The following PDE8B variants were observed in gnomAD, a reference collection of about 807,000 sequenced individuals.
The protein encoded by PDE8B is high affinity cAMP-specific and IBMX-insensitive 3',5'-cyclic phosphodiesterase 8B.
A neutral mutation model predicts 101.3 loss-of-function variants in PDE8B; 26 were observed. That is an observed-to-expected ratio of 0.26 (90% CI 0.19 to 0.36). The LOEUF (loss-of-function observed/expected upper bound fraction) is 0.36. Among genes scored for constraint, PDE8B ranks in the 10% least tolerant of loss-of-function variants. PDE8B has a pLI of 1.00. For missense variants in PDE8B, 810 were observed against 1,163.1 expected, an observed-to-expected ratio of 0.70 and a Z score of 4.42; for synonymous variants, 424 against 429.3, an observed-to-expected ratio of 0.99 and a Z score of 0.15.
intron 10 of PDE8B, among the ~76,000 whole-genome samples, chr5:77,378,399 C>T (rs1208166056): frequency 7.7e-6 from 1 of 130,674 alleles, no homozygotes. Context: ...GCAGAGGTTG[C>T]AGTGAACTGA....
chr5:77,236,186 G>C (rs1754649653), intron 1 of PDE8B, among the ~76,000 whole-genome samples: 1 of 152,214 alleles, frequency 6.6e-6, no homozygotes, highest in African/African-American at 2.4e-5. Context: ...GAATATGCTT[G>C]GCATTTTGAG....
chr5:77,218,092 G>T (rs1580373756), intron 1 of PDE8B, among the ~76,000 whole-genome samples: 1 of 152,168 alleles, frequency 6.6e-6, no homozygotes, highest in Admixed American at 6.5e-5. Context: ...GCTTGTGATT[G>T]CTGTAATAAA....
chr5:77,410,948 T>C (rs959869166), intron 14 of PDE8B: 1 of 152,352 alleles, frequency 6.6e-6, no homozygotes, highest in African/African-American at 2.4e-5. Context: ...TAAATGACTT[T>C]TAAGCAAAGA....
At position 77,426,578 on chromosome 5, in the gene PDE8B, T is replaced by C. The variant is rs1328744251; in HGVS notation, c.*24T>C. The C allele has an allele frequency of 3.2e-6, 4 of 1,251,890 alleles. No homozygotes were observed. The highest frequency in any genetic ancestry group is 2.4e-6 in the Non-Finnish European group (2 of 850,490). The allele number at this position is 1,251,890 out of a possible 1,614,324, so 77.5% of individuals were successfully genotyped here. ...AAAGCCAAGCCACAGAGGGGGCCTCTTGACCGACAAAGGACACTGTGAATC... is the reference window on the plus strand; with the variant it reads ...AAAGCCAAGCCACAGAGGGGGCCTCCTGACCGACAAAGGACACTGTGAATC... On this transcript the variant is annotated 3_prime_UTR_variant, in exon 22 of 22. Coordinates refer to ENST00000264917, the MANE Select transcript of PDE8B (RefSeq NM_003719.5).
chr5:77,133,543 G>A, the PDE8B span, among the ~76,000 whole-genome samples: 750 of 152,252 alleles, frequency 4.9e-3, 8 homozygotes, highest in African/African-American at 0.017. Context: ...AAAATAAGTG[G>A]CATTGGTTTG....
intron 18 of PDE8B, among the ~76,000 whole-genome samples, 200 bp downstream of exon 18, chr5:77,418,646 T>C (rs1217529168): frequency 6.6e-6 from 1 of 152,348 alleles, no homozygotes; most frequent in South Asian, 2.1e-4. Flanking sequence ...AGTGAGTTCA[T>C]AAAAATGTTT....
rs766500440 is a variant in PDE8B, at chr5:77,211,268, A to G, written c.339+4A>G. On this transcript the variant is annotated splice_donor_region_variant and intron_variant, in intron 1 of 21. Transcript: ENST00000264917. The surrounding 1 kb of genome is among the most constrained non-coding windows in gnomAD (Gnocchi z 4.1). Reference sequence around the variant, plus strand: ...GACCTGCTACACCAGCGTGAAGGTAAATGCCCCGCGCTGGCACACGCCGTG... The same window carrying G: ...GACCTGCTACACCAGCGTGAAGGTAGATGCCCCGCGCTGGCACACGCCGTG... The G allele has an allele frequency of 6.4e-7, 1 of 1,558,670 alleles. No individual in the cohort carries two copies. Among genetic ancestry groups the G allele is most frequent in the African/African-American group, 1.4e-5 (1 of 73,338 alleles).
chr5:77,286,030 T>G (rs1406434084), intron 1 of PDE8B, among the ~76,000 whole-genome samples: 1 of 152,206 alleles, frequency 6.6e-6, no homozygotes, highest in African/African-American at 2.4e-5. Flanking sequence ...AATAGTGATA[T>G]TAAAGTCTTT....
intron 10 of PDE8B, among the ~76,000 whole-genome samples, chr5:77,387,288 T>C (rs1205071658): frequency 6.6e-6 from 1 of 152,212 alleles, no homozygotes; most frequent in Non-Finnish European, 1.5e-5. Context: ...GGTATTTGCT[T>C]GTCTGTAAAG....
intron 1 of PDE8B, among the ~76,000 whole-genome samples, chr5:77,234,733 G>T (rs188340682): frequency 6.6e-6 from 1 of 152,240 alleles, no homozygotes; most frequent in Admixed American, 6.5e-5. Flanking sequence ...TCCAGACCAG[G>T]TGATTCTAAA....
chr5:77,352,633 G>A (rs1405776519), intron 9 of PDE8B, among the ~76,000 whole-genome samples: 1 of 152,214 alleles, frequency 6.6e-6, no homozygotes, highest in Admixed American at 6.5e-5. Flanking sequence ...ACAGAGAAAA[G>A]TGAACCAGGT....
At chr5:77,237,075 TAGAC>T (rs1448547047) in intron 1 of PDE8B, among the ~76,000 whole-genome samples, 4 of 152,286 alleles carry the variant, frequency 2.6e-5, no homozygotes, top group African/African-American at 9.6e-5. Context: ...AAAGTTTACT[TAGAC>T]AGATATTCCC....
At chr5:77,341,743 C>G (rs1779239915) in intron 6 of PDE8B, among the ~76,000 whole-genome samples, 1 of 152,208 alleles carries the variant, frequency 6.6e-6, no homozygotes. Flanking sequence ...CTAGCTCTTG[C>G]TGTCTCTTAT....
the PDE8B span, among the ~76,000 whole-genome samples, chr5:77,188,330 C>T: frequency 6.6e-6 from 1 of 152,158 alleles, no homozygotes; most frequent in African/African-American, 2.4e-5. Flanking sequence ...CATTGAACAG[C>T]ATTCCTGTTT....
At chr5:77,103,305 AC>A in the PDE8B span, among the ~76,000 whole-genome samples, 7 of 152,246 alleles carry the variant, frequency 4.6e-5, no homozygotes, top group Non-Finnish European at 7.3e-5. Flanking sequence ...CATTTAATTT[AC>A]ACTTCCTCCC....
chr5:77,209,368 GA>G (rs569246705), upstream of PDE8B, among the ~76,000 whole-genome samples: 1 of 148,212 alleles, frequency 6.7e-6, no homozygotes, highest in Admixed American at 6.7e-5. Flanking sequence ...AAATAAGAAT[GA>G]AAAAAAAACA....
At chr5:77,281,583 T>TG (rs1343401928) in intron 1 of PDE8B, among the ~76,000 whole-genome samples, 1 of 152,160 alleles carries the variant, frequency 6.6e-6, no homozygotes, top group Non-Finnish European at 1.5e-5. Flanking sequence ...ACATTGCCTT[T>TG]TCCTCTTCTG....
At chr5:77,208,355 A>T (rs1747672404), upstream of PDE8B, among the ~76,000 whole-genome samples, 2 of 152,234 alleles carry the variant, frequency 1.3e-5, no homozygotes, top group Non-Finnish European at 2.9e-5. Context: ...GCTGTCATTG[A>T]TAGCTCCATG....
intron 10 of PDE8B, among the ~76,000 whole-genome samples, chr5:77,377,701 AG>A (rs1313515498): frequency 1.3e-5 from 2 of 152,218 alleles, no homozygotes; most frequent in Non-Finnish European, 2.9e-5. Flanking sequence ...TTTGAATCAG[AG>A]GACAGGAAGA....
Sources: gnomAD v4.1 joint callset for allele counts (sites outside exome capture counted in the v4.1 genomes callset) on GRCh38, gnomAD v4.1.1 for gene constraint, Gnocchi (gnomAD v3.1) non-coding constraint, MANE v1.5 for transcripts, NCBI Gene and HGNC (gene_info 2026-07-23, HGNC 2026-07-21) for gene names.